The following GPM6A variants were observed in gnomAD, a reference collection of about 807,000 sequenced individuals.
GPM6A encodes glycoprotein M6A, also known as neuronal membrane glycoprotein M6-a.
A neutral mutation model predicts 32.1 loss-of-function variants in GPM6A; 7 were observed. The observed-to-expected ratio is 0.22, with a 90% CI of 0.12 to 0.41. The LOEUF is 0.41. Ranked by LOEUF, GPM6A falls within the 10% of genes least tolerant of loss-of-function variation. The probability of loss-of-function intolerance (pLI) is 1.00; values close to 1 mark genes in which losing one functional copy is unlikely to be tolerated. For missense variants in GPM6A, 235 were observed against 347.2 expected (o/e 0.68, Z 2.57); for synonymous variants, 130 against 123.4 (o/e 1.05, Z -0.35).
chr4:175,843,325 A>T (rs1404737553), intron 1 of GPM6A, among the ~76,000 whole-genome samples: 1 of 152,122 alleles, frequency 6.6e-6, no homozygotes, highest in African/African-American at 2.4e-5. Context: ...TTTTACATTC[A>T]TTTTTTTCTT....
At chr4:175,980,359 AAAAAC>A (rs1427941583) in intron 1 of GPM6A, among the ~76,000 whole-genome samples, 1 of 152,232 alleles carries the variant, frequency 6.6e-6, no homozygotes. Context: ...CCTGTCTCAA[AAAAAC>A]AAAACAAAAC....
chr4:175,677,080 A>T (rs76449378), intron 2 of GPM6A, among the ~76,000 whole-genome samples: 7 of 152,164 alleles, frequency 4.6e-5, no homozygotes, highest in African/African-American at 1.7e-4. Flanking sequence ...AGATTCATCA[A>T]TGTAATTTTA....
intron 1 of GPM6A, among the ~76,000 whole-genome samples, chr4:175,927,841 C>T (rs994310160): frequency 5.9e-5 from 9 of 152,142 alleles, no homozygotes; most frequent in East Asian, 1.9e-4. Context: ...GCTGAGATCA[C>T]GCCTCTGAAC....
intron 1 of GPM6A, among the ~76,000 whole-genome samples, chr4:175,945,775 A>ACAACTCAGTAATACGGTTGCATATTACG (rs1561005921): frequency 3.8e-3 from 98 of 25,856 alleles, no homozygotes; most frequent in Admixed American, 7.9e-3. Context: ...TGCATATTAC[A>ACAACTCAGTAATACGGTTGCATATTACG]TACAACTCAG....
intron 1 of GPM6A, among the ~76,000 whole-genome samples, chr4:175,792,666 T>C (rs898177157): frequency 4.6e-5 from 7 of 152,206 alleles, no homozygotes; most frequent in Non-Finnish European, 1.0e-4. Context: ...GTTTATATTT[T>C]AAAATACAAT....
intron 1 of GPM6A, among the ~76,000 whole-genome samples, chr4:175,785,732 G>A (rs1029495991): frequency 1.3e-5 from 2 of 151,994 alleles, no homozygotes; most frequent in East Asian, 1.9e-4. Flanking sequence ...AATAATCTAG[G>A]GTTTGAAAAA....
chr4:175,798,721 C>A (rs1285485883), intron 1 of GPM6A: 1 of 152,046 alleles, frequency 6.6e-6, no homozygotes, highest in East Asian at 1.9e-4. Flanking sequence ...TCAAATATGT[C>A]TTTTCTGTTA....
At chr4:175,894,378 TA>T (rs1468447561) in intron 1 of GPM6A, among the ~76,000 whole-genome samples, 1 of 152,132 alleles carries the variant, frequency 6.6e-6, no homozygotes, top group Non-Finnish European at 1.5e-5. Context: ...GAAGGGGTGC[TA>T]AAGAACAATT....
At chr4:175,660,708 G>C (rs767286453) in intron 3 of GPM6A, among the ~76,000 whole-genome samples, 58 of 152,106 alleles carry the variant, frequency 3.8e-4, no homozygotes, top group Non-Finnish European at 7.9e-4. Flanking sequence ...AAATTCCCCT[G>C]TTAACAAGGG....
intron 1 of GPM6A, among the ~76,000 whole-genome samples, chr4:175,878,840 C>A (rs1355645225): frequency 6.6e-6 from 1 of 152,288 alleles, no homozygotes. Flanking sequence ...ATTTTCCAAA[C>A]TTTTATGCTT....
intron 1 of GPM6A, among the ~76,000 whole-genome samples, chr4:175,924,300 A>T (rs916232863): frequency 5.9e-5 from 9 of 152,146 alleles, no homozygotes; most frequent in African/African-American, 1.9e-4. Context: ...AAAGAATTAC[A>T]CCGGACACCA....
At chr4:175,880,678 G>A (rs1374592842) in intron 1 of GPM6A, among the ~76,000 whole-genome samples, 2 of 152,010 alleles carry the variant, frequency 1.3e-5, no homozygotes, top group Non-Finnish European at 2.9e-5. Context: ...TCATGATTTG[G>A]CTCTCTGTTT....
At chr4:175,686,145 A>C (rs1437996556) in intron 2 of GPM6A, among the ~76,000 whole-genome samples, 1 of 152,200 alleles carries the variant, frequency 6.6e-6, no homozygotes, top group Non-Finnish European at 1.5e-5. Flanking sequence ...TAACATTTCA[A>C]TTCTTACAAA....
At chr4:175,839,864 C>A (rs1735883704) in intron 1 of GPM6A, among the ~76,000 whole-genome samples, 1 of 152,054 alleles carries the variant, frequency 6.6e-6, no homozygotes, top group African/African-American at 2.4e-5. Flanking sequence ...TATAGGAGAT[C>A]CTAGCTAATA....
At chr4:175,996,640 C>T (rs1741316153) in intron 1 of GPM6A, among the ~76,000 whole-genome samples, 1 of 152,142 alleles carries the variant, frequency 6.6e-6, no homozygotes, top group Non-Finnish European at 1.5e-5. Context: ...AACACATTTC[C>T]ACCCAGGCAT....
intron 1 of GPM6A, among the ~76,000 whole-genome samples, chr4:175,735,563 CT>C (rs754424931): frequency 4.6e-3 from 660 of 143,362 alleles, no homozygotes; most frequent in African/African-American, 8.2e-3. Context: ...ATTTATGAAT[CT>C]TTTTTTTTTT....
chr4:175,812,180 T>A lies in GPM6A; in HGVS notation c.37+11A>T, dbSNP rs1734945210. On this transcript the variant is annotated intron_variant, in intron 1 of 6. Coordinates refer to ENST00000393658, the MANE Select transcript of GPM6A (RefSeq NM_201591.3). ...TTACTTAGTTACAAATAAACGCTTT[T>A]AGCACAGTACCTTTTTGTGTCTGTC... is the stretch of plus-strand genomic sequence containing the variant. 1 of 1,570,458 alleles carries A rather than the reference T, an allele frequency of 6.4e-7. No homozygotes were observed. Among genetic ancestry groups the A allele is most frequent in the Non-Finnish European group, 8.7e-7 (1 of 1,146,824 alleles).
chr4:175,840,472 G>C (rs899565504), intron 1 of GPM6A, among the ~76,000 whole-genome samples: 1 of 152,226 alleles, frequency 6.6e-6, no homozygotes, highest in African/African-American at 2.4e-5. Flanking sequence ...GAGGTCAGGA[G>C]TTTGAGACCA....
intron 1 of GPM6A, among the ~76,000 whole-genome samples, chr4:175,717,843 A>C (rs1745919304): frequency 6.6e-6 from 1 of 152,212 alleles, no homozygotes; most frequent in African/African-American, 2.4e-5. Flanking sequence ...AAGCTGTTAT[A>C]ATTGCCAAGA....
Sources: allele counts gnomAD v4.1 joint callset (sites outside exome capture counted in the v4.1 genomes callset), GRCh38; gene constraint gnomAD v4.1.1; transcripts MANE v1.5; gene names NCBI Gene and HGNC (gene_info 2026-07-23, HGNC 2026-07-21).